Variants in ARF6 observed in about 807,000 individuals in gnomAD.
ARF6 encodes the protein ARF GTPase 6.
For missense variants in ARF6, 75 were observed against 232.0 expected (o/e 0.32, Z 4.40); for synonymous variants, 127 against 95.5 (o/e 1.33, Z -1.92).
chr14:49,895,027 C>T lies in ARF6; in HGVS notation c.*763C>T, dbSNP rs1242028191. ...ATGAGTAGGAATAAAACCCAAGTTC[C>T]CCATAACGTAGATAACTTAATGCTG... On this transcript the variant is annotated 3_prime_UTR_variant, in exon 2 of 2. Coordinates refer to ENST00000298316, the MANE Select transcript of ARF6 (RefSeq NM_001663.4). 1 of 166,962 alleles carries T rather than the reference C, an allele frequency of 6.0e-6. No homozygotes were observed. Among genetic ancestry groups the T allele is most frequent in the Non-Finnish European group, 1.5e-5 (1 of 68,112 alleles). 10.3% of individuals were successfully genotyped at this position (166,962 alleles called of 1,614,324 possible). A position where few individuals can be genotyped will look rare whatever the true frequency, so the allele number is the denominator to read the frequency against.
Position 49,893,576 on chromosome 14 carries a change from G to T in ARF6, c.-161G>T, listed in dbSNP as rs901852424. The stretch of plus-strand genomic sequence containing the variant: ...TGCGGTCGGTGATGCCCGAGTGAGC[G>T]GGGGGCCTGGGCCTCTGCCCTTAGG... On this transcript the variant is annotated 5_prime_UTR_variant, in exon 2 of 2. Transcript: ENST00000298316. 8 of 794,334 alleles carry T rather than the reference G, an allele frequency of 1.0e-5. No individual in the cohort carries two copies. The highest frequency in any genetic ancestry group is 1.8e-5 in the South Asian group (1 of 55,024). The allele number at this position is 794,334 out of a possible 1,614,324, so 49.2% of individuals were successfully genotyped here. A position where few individuals can be genotyped will look rare whatever the true frequency, so the allele number is the denominator to read the frequency against.
chr14:49,894,865 C>A lies in ARF6; in HGVS notation c.*601C>A, dbSNP rs186566342. The A allele has an allele frequency of 6.0e-6, 1 of 166,934 alleles. No homozygotes were observed. Among genetic ancestry groups the A allele is most frequent in the Non-Finnish European group, 1.5e-5 (1 of 68,166 alleles). The allele number at this position is 166,934 out of a possible 1,614,324, so 10.3% of individuals were successfully genotyped here. On this transcript the variant is annotated 3_prime_UTR_variant, in exon 2 of 2. Transcript: ENST00000298316. Reference sequence around the variant, plus strand: ...AAATGTGACCTTTTATATCTAAGACCAGTATAGTAAACTTAGCCCACAGTG... The same window carrying A: ...AAATGTGACCTTTTATATCTAAGACAAGTATAGTAAACTTAGCCCACAGTG...
Position 49,893,308 on chromosome 14 carries a change from G to T in ARF6, c.-429G>T, listed in dbSNP as rs552712480. On this transcript the variant is annotated 5_prime_UTR_variant, in exon 2 of 2. Transcript: ENST00000298316. ...CATGACCTGACGGGGCCCCGGAGCC[G>T]CGCTGCCTCTCGGGTGTCCTGGGTC... 1 of 156,690 alleles carries T rather than the reference G, an allele frequency of 6.4e-6. No individual in the cohort carries two copies. Among genetic ancestry groups the T allele is most frequent in the Non-Finnish European group, 1.4e-5 (1 of 71,224 alleles). The allele number at this position is 156,690 out of a possible 1,614,324, so 9.7% of individuals were successfully genotyped here.
Position 49,893,928 on chromosome 14 carries a change from G to C in ARF6, c.192G>C (p.Val64=). The change falls in exon 2 of 2, where the codon GTG becomes GTC. Residue 64 remains valine (V), a synonymous_variant. Coordinates refer to ENST00000298316, the MANE Select transcript of ARF6 (RefSeq NM_001663.4). ...YKNVKFNVWD[V]GGQDKIRPLW... ...ATGTCAAGTTCAACGTATGGGATGTGGGCGGCCAGGACAAGATCCGGCCGC... is the reference window on the plus strand; with the variant it reads ...ATGTCAAGTTCAACGTATGGGATGTCGGCGGCCAGGACAAGATCCGGCCGC... 1 of 1,614,206 alleles carries C rather than the reference G, an allele frequency of 6.2e-7. No individual in the cohort carries two copies. The highest frequency in any genetic ancestry group is 8.5e-7 in the Non-Finnish European group (1 of 1,180,034).
In ARF6 at chr14:49,893,772, G is replaced by A; in HGVS notation, c.36G>A (p.Lys12=). Residue 12 remains lysine (K), a synonymous_variant, in exon 2 of 2, where the codon AAG becomes AAA. Coordinates refer to ENST00000298316, the MANE Select transcript of ARF6 (RefSeq NM_001663.4). ...GKVLSKIFGN[K]EMRILMLGLD... is the part of the protein sequence containing the mutation. Reference sequence around the variant, plus strand: ...TGCTATCCAAAATCTTCGGGAACAAGGAAATGCGGATCCTCATGTTGGGCC... The same window carrying A: ...TGCTATCCAAAATCTTCGGGAACAAAGAAATGCGGATCCTCATGTTGGGCC... 1.2e-6 allele frequency: 2 copies of A among 1,614,222 alleles called. No homozygotes were observed. Among genetic ancestry groups the A allele is most frequent in the African/African-American group, 1.3e-5 (1 of 75,068 alleles).
chr14:49,893,231 C>T (rs1179149149), intron 1 of ARF6, 25 bp from the exon 2 acceptor site: 1 of 152,878 alleles, frequency 6.5e-6, no homozygotes, highest in South Asian at 2.0e-4. Context: ...GGCAGTAACT[C>T]CCCTCCCTCT....
At position 49,894,405 on chromosome 14, in the gene ARF6, G is replaced by C; in HGVS notation, c.*141G>C. 1 of 900,776 alleles carries C rather than the reference G, an allele frequency of 1.1e-6. No homozygotes were observed. The highest frequency in any genetic ancestry group is 1.6e-6 in the Non-Finnish European group (1 of 613,612). The allele number at this position is 900,776 out of a possible 1,614,324, so 55.8% of individuals were successfully genotyped here. A position where few individuals can be genotyped will look rare whatever the true frequency, so the allele number is the denominator to read the frequency against. ...GAGTTACTGTTCTACAGTTTGGCGG[G>C]GACGGGGCTTGGGGGTTTTCTCTTT... On this transcript the variant is annotated 3_prime_UTR_variant, in exon 2 of 2. Transcript: ENST00000298316.
rs1162940832 is a variant in ARF6, at chr14:49,893,969, A to G, written c.233A>G (p.Tyr78Cys). 3 of 1,614,122 alleles carry G rather than the reference A, an allele frequency of 1.9e-6. No homozygotes were observed. The highest frequency in any genetic ancestry group is 1.3e-5 in the African/African-American group (1 of 74,934). The change falls in exon 2 of 2, where the codon TAC becomes TGC. Residue 78 changes from tyrosine to cysteine, a missense_variant. Coordinates refer to ENST00000298316, the MANE Select transcript of ARF6 (RefSeq NM_001663.4). The stretch of plus-strand genomic sequence containing the variant: ...ATCCGGCCGCTCTGGCGGCATTACT[A>G]CACTGGGACCCAAGGTCTCATCTTC... ...DKIRPLWRHY[Y>C]TGTQGLIFVV...
At position 49,893,099 on chromosome 14, in the gene ARF6, A is replaced by C. The variant is rs1894468123; in HGVS notation, c.-540A>C. 2 of 152,568 alleles carry C rather than the reference A, an allele frequency of 1.3e-5. No individual in the cohort carries two copies. The highest frequency in any genetic ancestry group is 4.8e-5 in the African/African-American group (2 of 41,284). 9.5% of individuals were successfully genotyped at this position (152,568 alleles called of 1,614,324 possible). A position where few individuals can be genotyped will look rare whatever the true frequency, so the allele number is the denominator to read the frequency against. On this transcript the variant is annotated 5_prime_UTR_variant, in exon 1 of 2. Transcript: ENST00000298316. ...CGCCTTTTCCGGCAGCGGCGGCGGCAGAACTGGGAGGAGGAGTTGGAGGCC... is the reference window on the plus strand; with the variant it reads ...CGCCTTTTCCGGCAGCGGCGGCGGCCGAACTGGGAGGAGGAGTTGGAGGCC...
Position 49,893,702 on chromosome 14 carries a change from A to T in ARF6, c.-35A>T. The T allele has an allele frequency of 6.3e-7, 1 of 1,596,036 alleles. No individual in the cohort carries two copies. The stretch of plus-strand genomic sequence containing the variant: ...GTTGTTGGCTGAGGGGACCCGGGAC[A>T]CCTGAATGCCCCCGGCCCCGGCTCC... On this transcript the variant is annotated 5_prime_UTR_variant, in exon 2 of 2. Transcript: ENST00000298316.
Position 49,893,518 on chromosome 14 carries a change from C to T in ARF6, c.-219C>T. On this transcript the variant is annotated 5_prime_UTR_variant, in exon 2 of 2. Coordinates refer to ENST00000298316, the MANE Select transcript of ARF6 (RefSeq NM_001663.4). ...CGGCTCCCAGCGCAGTCTCAGGGCC[C>T]GGGTGGCGGCGGCGACTGGAGAAAT... The T allele has an allele frequency of 5.2e-6, 3 of 574,626 alleles. No homozygotes were observed. The highest frequency in any genetic ancestry group is 9.1e-6 in the Non-Finnish European group (3 of 329,976). 35.6% of individuals were successfully genotyped at this position (574,626 alleles called of 1,614,324 possible).
Position 49,894,453 on chromosome 14 carries a change from C to CTTTTT in ARF6, c.*207_*211dup, listed in dbSNP as rs35848359. 3.2e-4 allele frequency: 78 copies of CTTTTT among 245,558 alleles called. No individual in the cohort carries two copies. Among genetic ancestry groups the CTTTTT allele is most frequent in the African/African-American group, 1.1e-3 (32 of 28,454 alleles). 15.2% of individuals were successfully genotyped at this position (245,558 alleles called of 1,614,324 possible). ...TTTTGTTTGTTTCCCTTTCTTTTTC[C>CTTTTT]TTTTTTTTTTTTTTTTTTTTTTGTT... On this transcript the variant is annotated 3_prime_UTR_variant, in exon 2 of 2. Coordinates refer to ENST00000298316, the MANE Select transcript of ARF6 (RefSeq NM_001663.4).
rs35848359 is a variant in ARF6 at position 49,894,453 on chromosome 14, C to CTTTTTTTTTTTTTTTTTTTT, written c.*192_*211dup. ...TTTTGTTTGTTTCCCTTTCTTTTTCCTTTTTTTTTTTTTTTTTTTTTTGTT... is the reference window on the plus strand; with the variant it reads ...TTTTGTTTGTTTCCCTTTCTTTTTCCTTTTTTTTTTTTTTTTTTTTTTTTTTTTTTTTTTTTTTTTTTGTT... On this transcript the variant is annotated 3_prime_UTR_variant, in exon 2 of 2. Transcript: ENST00000298316. 2 of 226,486 alleles carry CTTTTTTTTTTTTTTTTTTTT rather than the reference C, an allele frequency of 8.8e-6. No individual in the cohort carries two copies. The highest frequency in any genetic ancestry group is 1.6e-5 in the Non-Finnish European group (2 of 125,910). The allele number at this position is 226,486 out of a possible 1,614,324, so 14.0% of individuals were successfully genotyped here.
At position 49,893,668 on chromosome 14, in the gene ARF6, G is replaced by A; in HGVS notation, c.-69G>A. The A allele has an allele frequency of 6.5e-7, 1 of 1,548,608 alleles. No individual in the cohort carries two copies. The highest frequency in any genetic ancestry group is 8.7e-7 in the Non-Finnish European group (1 of 1,144,834). Reference sequence around the variant, plus strand: ...AGAGGCTTCGTTTCGGTTTCGCGGCGGCGGCGGCGTTGTTGGCTGAGGGGA... The same window carrying A: ...AGAGGCTTCGTTTCGGTTTCGCGGCAGCGGCGGCGTTGTTGGCTGAGGGGA... On this transcript the variant is annotated 5_prime_UTR_variant, in exon 2 of 2. Coordinates refer to ENST00000298316, the MANE Select transcript of ARF6 (RefSeq NM_001663.4).
At position 49,893,163 on chromosome 14, in the gene ARF6, C is replaced by T. The variant is rs2139187364; in HGVS notation, c.-482+6C>T. ...GCTCGGGGCGGCGGCTGGAGGTAACCCCTTGGGCCGAGCTGGAAAGGCGGG... is the reference window on the plus strand; with the variant it reads ...GCTCGGGGCGGCGGCTGGAGGTAACTCCTTGGGCCGAGCTGGAAAGGCGGG... On this transcript the variant is annotated splice_donor_region_variant and intron_variant, in intron 1 of 1. Coordinates refer to ENST00000298316, the MANE Select transcript of ARF6 (RefSeq NM_001663.4). The T allele has an allele frequency of 6.6e-6, 1 of 152,056 alleles. No homozygotes were observed. The highest frequency in any genetic ancestry group is 2.4e-5 in the African/African-American group (1 of 41,424). The allele number at this position is 152,056 out of a possible 1,614,324, so 9.4% of individuals were successfully genotyped here. A position where few individuals can be genotyped will look rare whatever the true frequency, so the allele number is the denominator to read the frequency against.
chr14:49,894,777 C>T lies in ARF6; in HGVS notation c.*513C>T, dbSNP rs72680046. ...GAAAATTATTGCTTAATCAAACTGC[C>T]GTTTGTCTTTTATATTTAAGGCCTT... On this transcript the variant is annotated 3_prime_UTR_variant, in exon 2 of 2. Transcript: ENST00000298316. 5.3e-4 allele frequency: 89 copies of T among 167,350 alleles called. 1 individual carries two copies. In the Middle Eastern group the frequency reaches 0.017, roughly 32 times the overall value. The allele number at this position is 167,350 out of a possible 1,614,324, so 10.4% of individuals were successfully genotyped here.
chr14:49,896,893 C>CA lies in ARF6; in HGVS notation c.*2630dup, dbSNP rs1894530300. ...TGTATTTATGTGAATTTATAAACTG[C>CA]AGTAAGTTTTGAATGAGGTTAATCT... On this transcript the variant is annotated 3_prime_UTR_variant, in exon 2 of 2. Transcript: ENST00000298316. 6.0e-6 allele frequency: 1 copy of CA among 166,922 alleles called. No homozygotes were observed. Among genetic ancestry groups the CA allele is most frequent in the African/African-American group, 2.4e-5 (1 of 41,396 alleles). The allele number at this position is 166,922 out of a possible 1,614,324, so 10.3% of individuals were successfully genotyped here. A position where few individuals can be genotyped will look rare whatever the true frequency, so the allele number is the denominator to read the frequency against.
chr14:49,894,556 G>C lies in ARF6; in HGVS notation c.*292G>C, dbSNP rs1894496127. ...TAGATGCTCTTGTTGACTTCCAGCAGATGGGATGGGGGAAACACAGCAGTT... is the reference window on the plus strand; with the variant it reads ...TAGATGCTCTTGTTGACTTCCAGCACATGGGATGGGGGAAACACAGCAGTT... On this transcript the variant is annotated 3_prime_UTR_variant, in exon 2 of 2. Coordinates refer to ENST00000298316, the MANE Select transcript of ARF6 (RefSeq NM_001663.4). 1 of 310,542 alleles carries C rather than the reference G, an allele frequency of 3.2e-6. No homozygotes were observed. The highest frequency in any genetic ancestry group is 4.8e-5 in the Admixed American group (1 of 20,982). 19.2% of individuals were successfully genotyped at this position (310,542 alleles called of 1,614,324 possible).
chr14:49,896,369 G>C lies in ARF6; in HGVS notation c.*2105G>C, dbSNP rs986065889. Reference sequence around the variant, plus strand: ...TTGCATTTTAAAGTATATAAATATGGGTTATCCAATATCAATGCTATAGTA... The same window carrying C: ...TTGCATTTTAAAGTATATAAATATGCGTTATCCAATATCAATGCTATAGTA... On this transcript the variant is annotated 3_prime_UTR_variant, in exon 2 of 2. Coordinates refer to ENST00000298316, the MANE Select transcript of ARF6 (RefSeq NM_001663.4). 2 of 166,948 alleles carry C rather than the reference G, an allele frequency of 1.2e-5. No homozygotes were observed. Among genetic ancestry groups the C allele is most frequent in the African/African-American group, 4.8e-5 (2 of 41,492 alleles). The allele number at this position is 166,948 out of a possible 1,614,324, so 10.3% of individuals were successfully genotyped here. A position where few individuals can be genotyped will look rare whatever the true frequency, so the allele number is the denominator to read the frequency against.
Sources: gnomAD v4.1 joint callset for allele counts on GRCh38, gnomAD v4.1.1 for gene constraint, MANE v1.5 for transcripts, NCBI Gene and HGNC (gene_info 2026-07-23, HGNC 2026-07-21) for gene names.